The following ALKBH1 variants were observed in gnomAD, a reference collection of about 807,000 sequenced individuals.
The protein encoded by ALKBH1 is nucleic acid dioxygenase ALKBH1.
In ALKBH1, 31 loss-of-function variants were observed where a neutral mutation model predicts 36.6. The observed-to-expected ratio is 0.85, with a 90% CI of 0.64 to 1.14. The LOEUF (loss-of-function observed/expected upper bound fraction) is 1.14. ALKBH1 is among the 50% of genes most tolerant of loss of function. The pLI, the probability that ALKBH1 is intolerant of heterozygous loss-of-function variation, is 0.00. For synonymous variants in ALKBH1, 183 were observed against 186.6 expected (o/e 0.98, Z 0.16); for missense variants, 490 against 497.3 (o/e 0.99, Z 0.14).
intron 4 of ALKBH1, 132 bp downstream of exon 4, chr14:77,679,748 G>T: frequency 1.4e-6 from 1 of 703,180 alleles, no homozygotes; most frequent in Non-Finnish European, 2.3e-6. Context: ...GATTTTTTAA[G>T]GAAATAAAAG....
At chr14:77,707,465 G>C (rs2139871282) in intron 1 of ALKBH1, among the ~76,000 whole-genome samples, 1 of 152,284 alleles carries the variant, frequency 6.6e-6, no homozygotes, top group African/African-American at 2.4e-5. Flanking sequence ...TTCCTCGGGA[G>C]TGGTTTTTTT....
chr14:77,675,978 T>A, intron 4 of ALKBH1, 129 bp from the exon 5 acceptor site: 1 of 777,356 alleles, frequency 1.3e-6, no homozygotes, highest in Non-Finnish European at 2.0e-6. Context: ...CACAGCATTA[T>A]CTATCCATTC....
chr14:77,681,224 C>T (rs763533390), intron 3 of ALKBH1, among the ~76,000 whole-genome samples: 6 of 151,980 alleles, frequency 3.9e-5, no homozygotes, highest in Non-Finnish European at 5.9e-5. Flanking sequence ...GGAAACTGAA[C>T]GCAGTATAAA....
intron 2 of ALKBH1, among the ~76,000 whole-genome samples, chr14:77,702,189 T>C (rs913110911): frequency 3.9e-5 from 6 of 152,062 alleles, no homozygotes; most frequent in Admixed American, 2.0e-4. Flanking sequence ...TAGTCCCAGC[T>C]ACTTGGGAGG....
chr14:77,694,972 T>C lies in ALKBH1; in HGVS notation c.293-72A>G, dbSNP rs529290648. The C allele has an allele frequency of 2.2e-5, 27 of 1,255,570 alleles. No individual in the cohort carries two copies. In the South Asian group the frequency reaches 5.2e-4, roughly 24 times the overall value. The allele number at this position is 1,255,570 out of a possible 1,614,324, so 77.8% of individuals were successfully genotyped here. A position where few individuals can be genotyped will look rare whatever the true frequency, so the allele number is the denominator to read the frequency against. ...ATCAGTTATTCAAATAATTTTGACA[T>C]CTTTATACTCACTATTTTGTTATTT... On this transcript the variant is annotated intron_variant, in intron 2 of 5. Transcript: ENST00000216489.
At chr14:77,699,884 C>T (rs955945690) in intron 2 of ALKBH1, among the ~76,000 whole-genome samples, 1 of 151,808 alleles carries the variant, frequency 6.6e-6, no homozygotes, top group African/African-American at 2.4e-5. Flanking sequence ...GAAACCCCGT[C>T]TCTACTAAAA....
chr14:77,691,178 GTACTCTAATTTTTTGAACAGTCCT>G (rs2080295211), intron 3 of ALKBH1, among the ~76,000 whole-genome samples: 1 of 152,080 alleles, frequency 6.6e-6, no homozygotes, highest in Admixed American at 6.6e-5. Flanking sequence ...CAGAATTGAG[GTACTCTAATTTTTTGAACAGTCCT>G]TAAGTTCAAG....
intron 3 of ALKBH1, among the ~76,000 whole-genome samples, chr14:77,686,960 C>T (rs1172575062): frequency 6.6e-6 from 1 of 152,118 alleles, no homozygotes; most frequent in Non-Finnish European, 1.5e-5. Context: ...CCAGTTTTCT[C>T]TCTCCCTTCT....
At chr14:77,686,087 G>A (rs1271188154) in intron 3 of ALKBH1, among the ~76,000 whole-genome samples, 1 of 152,212 alleles carries the variant, frequency 6.6e-6, no homozygotes, top group East Asian at 1.9e-4. Context: ...TCAATATGTT[G>A]AGAGCAGGAC....
At chr14:77,686,547 G>C (rs1190077713) in intron 3 of ALKBH1, among the ~76,000 whole-genome samples, 1 of 152,220 alleles carries the variant, frequency 6.6e-6, no homozygotes, top group African/African-American at 2.4e-5. Context: ...CTCCCCTGGT[G>C]AATGTGCTCA....
At position 77,672,535 on chromosome 14, in the gene ALKBH1, T is replaced by C. The variant is rs535582314; in HGVS notation, c.*1277A>G. The C allele has an allele frequency of 6.6e-5, 10 of 152,308 alleles. No homozygotes were observed. The East Asian group carries it at 1.9e-3, about 29-fold the overall frequency. The allele number at this position is 152,308 out of a possible 1,614,324, so 9.4% of individuals were successfully genotyped here. A position where few individuals can be genotyped will look rare whatever the true frequency, so the allele number is the denominator to read the frequency against. The stretch of plus-strand genomic sequence containing the variant: ...AGACATGTAAACTTAATAACATGCA[T>C]TGCAAACAGTAGGTACCAAATGGGC... On this transcript the variant is annotated 3_prime_UTR_variant, in exon 6 of 6. Transcript: ENST00000216489.
At chr14:77,681,253 C>G (rs143713262) in intron 3 of ALKBH1, among the ~76,000 whole-genome samples, 38 of 152,264 alleles carry the variant, frequency 2.5e-4, no homozygotes, top group East Asian at 2.1e-3. Context: ...CTAAAGTAAA[C>G]AGCAGACTTT....
At chr14:77,688,456 A>G (rs1406392993) in intron 3 of ALKBH1, among the ~76,000 whole-genome samples, 5 of 151,114 alleles carry the variant, frequency 3.3e-5, no homozygotes, top group Non-Finnish European at 5.9e-5. Context: ...GAGTTTCACC[A>G]TGTTGGCCAG....
intron 2 of ALKBH1, among the ~76,000 whole-genome samples, chr14:77,700,990 C>T (rs2080356356): frequency 6.6e-6 from 1 of 152,088 alleles, no homozygotes; most frequent in African/African-American, 2.4e-5. Flanking sequence ...AGCTACTAGG[C>T]AGGCTGAGGT....
chr14:77,704,584 C>T (rs966821383), intron 1 of ALKBH1, 107 bp from the exon 2 acceptor site: 7 of 837,802 alleles, frequency 8.4e-6, no homozygotes, highest in African/African-American at 6.7e-5. Context: ...AGCTAGGATT[C>T]TTGTTTAAGA....
At chr14:77,706,034 GAC>G (rs1443112115) in intron 1 of ALKBH1, among the ~76,000 whole-genome samples, 1 of 151,990 alleles carries the variant, frequency 6.6e-6, no homozygotes, top group African/African-American at 2.4e-5. Flanking sequence ...CAGCCTGGGT[GAC>G]ACAGTGAGAC....
chr14:77,682,354 A>G (rs1310564973), intron 3 of ALKBH1, among the ~76,000 whole-genome samples: 2 of 152,208 alleles, frequency 1.3e-5, no homozygotes, highest in African/African-American at 4.8e-5. Flanking sequence ...AGACAGAAAA[A>G]TAAGTATGAC....
chr14:77,673,888 A>G lies in ALKBH1; in HGVS notation c.1094T>C (p.Ile365Thr), dbSNP rs1323985017. The G allele has an allele frequency of 6.2e-7, 1 of 1,614,110 alleles. No individual in the cohort carries two copies. Among genetic ancestry groups the G allele is most frequent in the Admixed American group, 1.7e-5 (1 of 60,000 alleles). The change falls in exon 6 of 6, where the codon ATC (isoleucine) becomes ACC (threonine). Residue 365 changes from isoleucine (I) to threonine (T), a missense_variant. Physicochemically the swap from Ile to Thr is moderately conservative, Grantham distance 89. Coordinates refer to ENST00000216489, the MANE Select transcript of ALKBH1 (RefSeq NM_006020.3). ...CAGATGGCAGAAACCTTCTGTACTG[A>G]TGTCTCTTTTTTCATCCTCGATGGG... is the stretch of plus-strand genomic sequence containing the variant. ...LEPIEDEKRD[I>T]STEGFCHLDD...
intron 2 of ALKBH1, among the ~76,000 whole-genome samples, chr14:77,700,474 T>A (rs2080353343): frequency 6.6e-6 from 1 of 152,200 alleles, no homozygotes; most frequent in Non-Finnish European, 1.5e-5. Flanking sequence ...TTACCAGTAA[T>A]CTGATTTTTC....
Sources: gnomAD v4.1 joint callset for allele counts (sites outside exome capture counted in the v4.1 genomes callset) on GRCh38, gnomAD v4.1.1 for gene constraint, MANE v1.5 for transcripts, NCBI Gene and HGNC (gene_info 2026-07-23, HGNC 2026-07-21) for gene names.